NTRK3: variants seen among roughly 807,000 people sequenced by gnomAD.
NTRK3 encodes neurotrophic receptor tyrosine kinase 3, also known as NT-3 growth factor receptor.
A neutral mutation model predicts 91.7 loss-of-function variants in NTRK3; 24 were observed. The ratio of observed to expected loss-of-function variants is 0.26; its 90% CI spans 0.19 to 0.37. The LOEUF (loss-of-function observed/expected upper bound fraction) is 0.37. NTRK3 is among the 10% of genes least tolerant of loss of function. The pLI, the probability that NTRK3 is intolerant of heterozygous loss-of-function variation, is 1.00. For synonymous variants in NTRK3, 483 were observed against 404.0 expected (o/e 1.20, Z -2.34); for missense variants, 880 against 1,068.9 (o/e 0.82, Z 2.46).
At chr15:88,139,556 T>C (rs2042186738) in intron 6 of NTRK3, among the ~76,000 whole-genome samples, 1 of 152,186 alleles carries the variant, frequency 6.6e-6, no homozygotes, top group Non-Finnish European at 1.5e-5. Flanking sequence ...AATACCCCTA[T>C]GTGGTATCAT....
chr15:87,884,448 C>G (rs958498444), intron 17 of NTRK3, among the ~76,000 whole-genome samples: 2 of 151,632 alleles, frequency 1.3e-5, no homozygotes, highest in African/African-American at 4.8e-5. Flanking sequence ...TAGAAACTTT[C>G]CCAAACCATT....
intron 17 of NTRK3, among the ~76,000 whole-genome samples, chr15:87,892,522 G>A (rs1010540579): frequency 6.6e-6 from 1 of 152,022 alleles, no homozygotes; most frequent in African/African-American, 2.4e-5. Flanking sequence ...AATATGAGAT[G>A]CATTTCCATT....
In NTRK3 at chr15:88,235,069, C is replaced by A. The variant is rs1366862096; in HGVS notation, c.248+20837G>T. 1.3e-5 allele frequency among the ~76,000 whole-genome samples: 2 copies of A among 152,208 alleles called. No homozygotes were observed. Among genetic ancestry groups the A allele is most frequent in the African/African-American group, 4.8e-5 (2 of 41,472 alleles). On this transcript the variant is annotated intron_variant, in intron 3 of 18. Transcript: ENST00000394480. This position sits in a 1 kb window ranked among gnomAD's most constrained non-coding sequence, Gnocchi z 5.2. ...CGAGAGCCCAGACGCCCTACCCTTA[C>A]ACAAAGGCAGCCTCCTCACCTCCCC...
At chr15:88,062,611 C>G (rs916513371) in intron 13 of NTRK3, among the ~76,000 whole-genome samples, 1 of 152,172 alleles carries the variant, frequency 6.6e-6, no homozygotes, top group Admixed American at 6.5e-5. Flanking sequence ...ATAAAAGGAC[C>G]CCGATGATCA....
chr15:87,974,691 A>C (rs907726037), intron 14 of NTRK3, among the ~76,000 whole-genome samples: 11 of 152,318 alleles, frequency 7.2e-5, no homozygotes, highest in Non-Finnish European at 1.2e-4. Flanking sequence ...GATTAATCTC[A>C]GATCTAAGCC....
intron 14 of NTRK3, among the ~76,000 whole-genome samples, chr15:87,945,912 T>C (rs1465522828): frequency 6.6e-6 from 1 of 152,004 alleles, no homozygotes; most frequent in African/African-American, 2.4e-5. Context: ...ATCTGTAGAA[T>C]GGGAACATGG....
intron 8 of NTRK3, 134 bp from the exon 9 acceptor site, chr15:88,136,174 A>G (rs2041859823): frequency 5.9e-6 from 7 of 1,180,354 alleles, no homozygotes; most frequent in Admixed American, 1.8e-5. Context: ...GTGAAAGCAC[A>G]CTGGCCAAAT....
intron 13 of NTRK3, among the ~76,000 whole-genome samples, chr15:88,035,792 T>C (rs1406350500): frequency 1.3e-5 from 2 of 152,050 alleles, no homozygotes; most frequent in Non-Finnish European, 2.9e-5. Flanking sequence ...AAACTACTAA[T>C]ATCCTCAGAG....
intron 14 of NTRK3, among the ~76,000 whole-genome samples, chr15:87,952,128 A>G (rs1336776043): frequency 2.6e-5 from 4 of 152,038 alleles, no homozygotes; most frequent in Non-Finnish European, 5.9e-5. Context: ...TTCCATTTCA[A>G]AAGAAAGAAA....
At chr15:87,885,992 G>C (rs934684493) in intron 17 of NTRK3, among the ~76,000 whole-genome samples, 3 of 151,928 alleles carry the variant, frequency 2.0e-5, no homozygotes, top group Non-Finnish European at 2.9e-5. Context: ...AATACAAAGT[G>C]CTCCTTCAAA....
At chr15:88,009,867 G>C (rs1315094708) in intron 14 of NTRK3, among the ~76,000 whole-genome samples, 1 of 152,136 alleles carries the variant, frequency 6.6e-6, no homozygotes, top group East Asian at 1.9e-4. Context: ...CTCAGATCCA[G>C]TGAGAAAAAA....
At position 88,255,421 on chromosome 15, in the gene NTRK3, C is replaced by T. The variant is rs2053928813; in HGVS notation, c.248+485G>A. Reference sequence around the variant, plus strand: ...GTTTCCAAATGGAAATAGTTAAACACCTCGGCTGGATCGCGAGCAGTCCCT... The same window carrying T: ...GTTTCCAAATGGAAATAGTTAAACATCTCGGCTGGATCGCGAGCAGTCCCT... On this transcript the variant is annotated intron_variant, in intron 3 of 18. Coordinates refer to ENST00000394480, the Ensembl canonical transcript of NTRK3. The surrounding 1 kb of genome is among the most constrained non-coding windows in gnomAD (Gnocchi z 4.3). Among the ~76,000 whole-genome samples, 1 of 152,216 alleles carries T rather than the reference C, an allele frequency of 6.6e-6. No individual in the cohort carries two copies. Among genetic ancestry groups the T allele is most frequent in the Admixed American group, 6.5e-5 (1 of 15,278 alleles).
At position 88,007,871 on chromosome 15, in the gene NTRK3, C is replaced by T. The variant is rs61211559; in HGVS notation, c.1585+24986G>A. Among the ~76,000 whole-genome samples, 60 of 152,286 alleles carry T rather than the reference C, an allele frequency of 3.9e-4. No homozygotes were observed. The East Asian group carries it at 0.01, about 26-fold the overall frequency. ...ATGGGTGGATGAATAGGACCCCTAA[C>T]GTGCCTTATACCCTATGATGCTGCA... is the stretch of plus-strand genomic sequence containing the variant. On this transcript the variant is annotated intron_variant, in intron 14 of 18. Coordinates refer to ENST00000394480, the Ensembl canonical transcript of NTRK3.
chr15:88,081,954 G>T (rs1328886683), intron 13 of NTRK3, among the ~76,000 whole-genome samples: 1 of 152,116 alleles, frequency 6.6e-6, no homozygotes, highest in African/African-American at 2.4e-5. Flanking sequence ...CCCTTCTTAT[G>T]CCTTGCTCCC....
intron 14 of NTRK3, among the ~76,000 whole-genome samples, chr15:88,006,728 G>GT (rs2076518443): frequency 6.6e-6 from 1 of 152,220 alleles, no homozygotes; most frequent in African/African-American, 2.4e-5. Context: ...AAAGCACACA[G>GT]GAGCACAACA....
At chr15:88,168,956 G>T (rs2045254158) in intron 5 of NTRK3, among the ~76,000 whole-genome samples, 1 of 152,238 alleles carries the variant, frequency 6.6e-6, no homozygotes, top group Non-Finnish European at 1.5e-5. Context: ...AAACCTGAAA[G>T]AGGAATAGAC....
chr15:88,231,440 T>C (rs1029709479), intron 3 of NTRK3, among the ~76,000 whole-genome samples: 17 of 151,422 alleles, frequency 1.1e-4, no homozygotes, highest in Admixed American at 1.1e-3. Context: ...AAACGCAGAT[T>C]AAAAATAATT....
At chr15:87,942,430 G>A (rs1596335538) in intron 14 of NTRK3, among the ~76,000 whole-genome samples, 1 of 152,210 alleles carries the variant, frequency 6.6e-6, no homozygotes, top group Admixed American at 6.5e-5. Flanking sequence ...CAAGGCTAAA[G>A]AGTCTCCCAC....
chr15:88,199,684 G>T lies in NTRK3; in HGVS notation c.249-15385C>A, dbSNP rs551609108. 8.5e-5 allele frequency among the ~76,000 whole-genome samples: 13 copies of T among 152,352 alleles called. 1 individual carries two copies. The South Asian group carries it at 2.5e-3, about 29-fold the overall frequency. ...CTGACCTTCTGCGCTGCACAAAGTG[G>T]AAACCTCAAGGTCAAAGTGGTGTCT... On this transcript the variant is annotated intron_variant, in intron 3 of 18. Coordinates refer to ENST00000394480, the Ensembl canonical transcript of NTRK3.
Sources: gnomAD v4.1 joint callset for allele counts (sites outside exome capture counted in the v4.1 genomes callset) on GRCh38, gnomAD v4.1.1 for gene constraint, Gnocchi (gnomAD v3.1) non-coding constraint, MANE v1.5 for transcripts, NCBI Gene and HGNC (gene_info 2026-07-23, HGNC 2026-07-21) for gene names.